Variants in FADS6 observed in about 807,000 individuals in gnomAD.
FADS6 encodes fatty acid desaturase domain family, member 6.
A neutral mutation model predicts 31.7 loss-of-function variants in FADS6; 28 were observed. That is an observed-to-expected ratio of 0.88 (90% CI 0.66 to 1.21). FADS6 has a LOEUF of 1.21. FADS6 is among the 50% of genes most tolerant of loss of function. FADS6 has a pLI of 0.00. For synonymous variants in FADS6, 191 were observed against 213.1 expected, an observed-to-expected ratio of 0.90 and a Z score of 0.90; for missense variants, 494 against 504.2, an observed-to-expected ratio of 0.98 and a Z score of 0.19.
At chr17:74,892,446 C>A in intron 2 of FADS6, 77 bp downstream of exon 2, 2 of 1,513,628 alleles carry the variant, frequency 1.3e-6, no homozygotes. Context: ...GCTGGACACA[C>A]CCGCATGCTC....
intron 3 of FADS6, among the ~76,000 whole-genome samples, chr17:74,882,076 C>T (rs1438262894): frequency 6.6e-6 from 1 of 151,930 alleles, no homozygotes; most frequent in African/African-American, 2.4e-5. Flanking sequence ...GCTGGGACTA[C>T]AGGCGCCCAC....
At chr17:74,881,912 T>C (rs2038573967) in intron 3 of FADS6, among the ~76,000 whole-genome samples, 1 of 151,932 alleles carries the variant, frequency 6.6e-6, no homozygotes, top group South Asian at 2.1e-4. Flanking sequence ...TAACATGAAG[T>C]ATTATTTGTG....
intron 2 of FADS6, among the ~76,000 whole-genome samples, chr17:74,888,149 C>CGT (rs1567928529): frequency 5.6e-5 from 6 of 107,310 alleles, no homozygotes; most frequent in African/African-American, 1.9e-4. Context: ...CACACACACA[C>CGT]ACACACGCGC....
intron 2 of FADS6, among the ~76,000 whole-genome samples, chr17:74,884,318 C>T (rs2038602374): frequency 6.6e-6 from 1 of 152,176 alleles, no homozygotes; most frequent in Admixed American, 6.5e-5. Flanking sequence ...GCAAGACTGA[C>T]AGGTGTAGCA....
Position 74,882,683 on chromosome 17 carries a change from C to A in FADS6, c.439G>T (p.Ala147Ser). Residue 147 changes from alanine to serine, a missense_variant, in exon 3 of 6, where the codon GCC becomes TCC. Ala to Ser is a moderately conservative substitution (Grantham distance 99). Coordinates refer to ENST00000612771, the MANE Select transcript of FADS6 (RefSeq NM_178128.6). ...TGCATCTTGACGTGCCCATGCGTGG[C>A]GTGCTCTGCAGTGAAGGCTGTGCAC... The part of the protein sequence containing the change: ...EVCTAFTAEH[A>S]THGHVKMHHA... The A allele has an allele frequency of 6.2e-7, 1 of 1,610,870 alleles. No individual in the cohort carries two copies. The highest frequency in any genetic ancestry group is 1.1e-5 in the South Asian group (1 of 90,210).
downstream of FADS6, among the ~76,000 whole-genome samples, chr17:74,876,351 T>C (rs2038508181): frequency 6.6e-6 from 1 of 152,172 alleles, no homozygotes; most frequent in Admixed American, 6.5e-5. Context: ...ATGACTTGCA[T>C]GTTCTCAACT....
Position 74,879,579 on chromosome 17 carries a change from A to G in FADS6, c.785T>C (p.Ile262Thr), listed in dbSNP as rs2038546232. The change falls in exon 5 of 6, where the codon ATC becomes ACC. Residue 262 changes from isoleucine (I) to threonine (T), a missense_variant. Ile to Thr is a moderately conservative substitution (Grantham distance 89, BLOSUM62 -1). Coordinates refer to ENST00000612771, the MANE Select transcript of FADS6 (RefSeq NM_178128.6). ...PYLHVNIFQH[I>T]GLPMFSRDNK... ...GTCCCGGGAGAACATGGGCAGTCCG[A>G]TGTGCTGTGACAGACACGTGGGTCA... The G allele has an allele frequency of 6.2e-7, 1 of 1,611,220 alleles. No individual in the cohort carries two copies. The highest frequency in any genetic ancestry group is 1.3e-5 in the African/African-American group (1 of 74,820).
chr17:74,878,390 G>A lies in FADS6; in HGVS notation c.1048C>T (p.Arg350Cys), dbSNP rs1247592363. 11 of 1,613,868 alleles carry A rather than the reference G, an allele frequency of 6.8e-6. No individual in the cohort carries two copies. Among genetic ancestry groups the A allele is most frequent in the African/African-American group, 2.7e-5 (2 of 74,946 alleles). ...SYLARFQLFL[R>C]RYEEFMVQAP... ...TGCACCATGAATTCCTCATAGCGAC[G>A]GAGAAACAGCTGGAAGCGAGCCAGG... is the stretch of plus-strand genomic sequence containing the variant. Residue 350 changes from arginine to cysteine, a missense_variant, in exon 6 of 6, where the codon CGT becomes TGT. Arg to Cys is a radical substitution (Grantham distance 180). Around this residue, in one of 2 missense-constraint regions of FADS6, gnomAD observed 454 missense variants for 438.5 expected, o/e 1.04. Transcript: ENST00000612771.
At chr17:74,883,964 A>G (rs1246666275) in intron 2 of FADS6, among the ~76,000 whole-genome samples, 1 of 152,114 alleles carries the variant, frequency 6.6e-6, no homozygotes, top group Non-Finnish European at 1.5e-5. Flanking sequence ...CACTGCGCCC[A>G]GCCCCATTTG....
intron 2 of FADS6, among the ~76,000 whole-genome samples, chr17:74,888,113 T>C (rs1246039928): frequency 2.0e-5 from 3 of 148,770 alleles, no homozygotes; most frequent in Non-Finnish European, 4.5e-5. Flanking sequence ...ATGGTGTAGG[T>C]GGAGCTGAGA....
In FADS6 at chr17:74,893,534, GGTTCCATGGGCTCCGTA is replaced by G. The variant is rs2038718837; in HGVS notation, c.45_61del (p.Thr16TyrfsTer264). The G allele has an allele frequency of 5.6e-6, 8 of 1,435,916 alleles. No individual in the cohort carries two copies. In the African/African-American group the frequency reaches 1.5e-4, roughly 27 times the overall value. 88.9% of individuals were successfully genotyped at this position (1,435,916 alleles called of 1,614,324 possible). A position where few individuals can be genotyped will look rare whatever the true frequency, so the allele number is the denominator to read the frequency against. On this transcript the variant is annotated frameshift_variant, in exon 1 of 6. Transcript: ENST00000612771. LOFTEE classifies it high-confidence loss of function. ...CTCCGTAGGTTCCATGGGCTCCGTAGGTTCCATGGGCTCCGTAGGTTCCATGGGCTCCGTAGGTTCCA... is the reference window on the plus strand; with the variant it reads ...CTCCGTAGGTTCCATGGGCTCCGTAGGGTTCCATGGGCTCCGTAGGTTCCA...
At chr17:74,893,189 C>A (rs1001910974) in intron 1 of FADS6, among the ~76,000 whole-genome samples, 163 bp downstream of exon 1, 1 of 151,846 alleles carries the variant, frequency 6.6e-6, no homozygotes, top group Non-Finnish European at 1.5e-5. Context: ...GACCCTCCAT[C>A]CTTGGGTGCG....
intron 2 of FADS6, 130 bp downstream of exon 2, chr17:74,892,393 A>G: frequency 1.7e-6 from 2 of 1,142,954 alleles, no homozygotes; most frequent in Non-Finnish European, 2.4e-6. Context: ...GTGGACCGGC[A>G]TACCATCAGC....
At chr17:74,888,143 C>A (rs1291591957) in intron 2 of FADS6, among the ~76,000 whole-genome samples, 2 of 113,368 alleles carry the variant, frequency 1.8e-5, no homozygotes, top group East Asian at 3.4e-4. Flanking sequence ...CACACACACA[C>A]ACACACACAC....
chr17:74,874,874 A>G (rs1245645185), downstream of FADS6, among the ~76,000 whole-genome samples: 1 of 152,200 alleles, frequency 6.6e-6, no homozygotes, highest in Admixed American at 6.5e-5. Flanking sequence ...TGATGGCACA[A>G]TTGAGTAGTT....
intron 2 of FADS6, among the ~76,000 whole-genome samples, chr17:74,888,187 C>A (rs1391067031): frequency 6.7e-6 from 1 of 149,612 alleles, no homozygotes; most frequent in Non-Finnish European, 1.5e-5. Flanking sequence ...GTACCAATGT[C>A]CGTTTCCTTG....
intron 2 of FADS6, among the ~76,000 whole-genome samples, chr17:74,886,163 T>A (rs1357862751): frequency 1.5e-5 from 2 of 135,214 alleles, no homozygotes; most frequent in Non-Finnish European, 3.1e-5. Flanking sequence ...GTCATGAACC[T>A]GGGAGGTGGA....
chr17:74,889,439 A>T (rs1362381731), intron 2 of FADS6, among the ~76,000 whole-genome samples: 1 of 152,110 alleles, frequency 6.6e-6, no homozygotes, highest in Non-Finnish European at 1.5e-5. Flanking sequence ...CCTAGGCATC[A>T]AGAACGTGTC....
chr17:74,879,211 A>AT, intron 5 of FADS6, 193 bp downstream of exon 5: 1 of 682,830 alleles, frequency 1.5e-6, no homozygotes, highest in Non-Finnish European at 2.3e-6. Flanking sequence ...TAATTTTTGA[A>AT]TTTTTTGTAG....
Sources: gnomAD v4.1 joint callset for allele counts (sites outside exome capture counted in the v4.1 genomes callset) on GRCh38, gnomAD v4.1.1 for gene constraint, gnomAD v4.1.1 regional missense constraint, MANE v1.5 for transcripts, NCBI Gene and HGNC (gene_info 2026-07-23, HGNC 2026-07-21) for gene names.